Variants in MAGI2 observed in about 807,000 individuals in gnomAD.
MAGI2 encodes the protein membrane associated guanylate kinase, WW and PDZ domain containing 2.
Under a neutral mutation model 133.3 loss-of-function variants are expected in MAGI2, and 35 were observed. That is an observed-to-expected ratio of 0.26 (90% CI 0.20 to 0.35). The LOEUF is 0.35. Among genes scored for constraint, MAGI2 ranks in the 10% least tolerant of loss-of-function variants. MAGI2 has a pLI of 1.00. For missense variants in MAGI2, 1,636 were observed against 1,863.4 expected (o/e 0.88, Z 2.25); for synonymous variants, 729 against 710.6 (o/e 1.03, Z -0.41).
chr7:78,090,128 C>A (rs1817039884), intron 20 of MAGI2, among the ~76,000 whole-genome samples: 1 of 152,152 alleles, frequency 6.6e-6, no homozygotes. Context: ...TTCTTCAAGG[C>A]TCTGCTCAAA....
intron 1 of MAGI2, among the ~76,000 whole-genome samples, chr7:79,390,900 C>T (rs1844550024): frequency 6.6e-6 from 1 of 152,136 alleles, no homozygotes; most frequent in Admixed American, 6.5e-5. Context: ...TGACAGCCTC[C>T]CTCTTTTGAG....
At chr7:79,002,986 A>C (rs1216628390) in intron 2 of MAGI2, among the ~76,000 whole-genome samples, 1 of 151,098 alleles carries the variant, frequency 6.6e-6, no homozygotes, top group Non-Finnish European at 1.5e-5. Flanking sequence ...AAATACAGTC[A>C]GTCCTTGTTT....
intron 6 of MAGI2, among the ~76,000 whole-genome samples, chr7:78,380,409 A>C (rs1216636128): frequency 6.6e-6 from 1 of 152,130 alleles, no homozygotes; most frequent in Non-Finnish European, 1.5e-5. Context: ...AGTACTATTC[A>C]ACCATAATAA....
chr7:78,019,748 TC>T lies in MAGI2; in HGVS notation c.3934del (p.Glu1312SerfsTer162). The T allele has an allele frequency of 6.2e-7, 1 of 1,611,430 alleles. No homozygotes were observed. Among genetic ancestry groups the T allele is most frequent in the Non-Finnish European group, 8.5e-7 (1 of 1,179,450 alleles). On this transcript the variant is annotated frameshift_variant, in exon 22 of 22. Transcript: ENST00000354212. LOFTEE classifies it low-confidence loss of function (END_TRUNC). Reference sequence around the variant, plus strand: ...CGGACTCGCCGAGCGCTCCCTCTGCTCCCCGAGGCGCTGCTTCTTCTGGCCG... The same window carrying T: ...CGGACTCGCCGAGCGCTCCCTCTGCTCCCGAGGCGCTGCTTCTTCTGGCCG... ...ACGQKKQRLG[E>X]QRERSASPQR... is the part of the protein sequence containing the mutation.
intron 9 of MAGI2, among the ~76,000 whole-genome samples, chr7:78,283,161 T>C (rs1438697921): frequency 6.6e-6 from 1 of 152,144 alleles, no homozygotes; most frequent in African/African-American, 2.4e-5. Context: ...ATTTTCCTAG[T>C]ACAATGTGTT....
At chr7:79,111,333 C>A (rs1323687188) in intron 1 of MAGI2, among the ~76,000 whole-genome samples, 1 of 152,126 alleles carries the variant, frequency 6.6e-6, no homozygotes, top group Non-Finnish European at 1.5e-5. Context: ...TCTTGACAAG[C>A]CTGATGATTT....
At chr7:79,018,182 CA>C (rs761282827) in intron 1 of MAGI2, among the ~76,000 whole-genome samples, 86 of 151,914 alleles carry the variant, frequency 5.7e-4, no homozygotes, top group Non-Finnish European at 1.2e-3. Flanking sequence ...AGGGGAACCC[CA>C]TCAGACTAAC....
At chr7:78,689,762 A>C (rs1423730003) in intron 2 of MAGI2, among the ~76,000 whole-genome samples, 1 of 118,898 alleles carries the variant, frequency 8.4e-6, no homozygotes, top group Non-Finnish European at 1.6e-5. Context: ...TCAGTAATTC[A>C]TTCCCTTTTA....
intron 1 of MAGI2, among the ~76,000 whole-genome samples, chr7:79,087,729 C>T (rs1379012242): frequency 2.0e-5 from 3 of 151,984 alleles, no homozygotes; most frequent in Non-Finnish European, 4.4e-5. Context: ...GCCAGTTTTC[C>T]CAACACCATT....
chr7:78,534,603 G>T (rs1484138604), intron 3 of MAGI2, among the ~76,000 whole-genome samples: 1 of 152,188 alleles, frequency 6.6e-6, no homozygotes, highest in African/African-American at 2.4e-5. Flanking sequence ...CTACTGAAAA[G>T]ACCTCTAACA....
intron 20 of MAGI2, among the ~76,000 whole-genome samples, chr7:78,117,360 A>G (rs1819972386): frequency 6.6e-6 from 1 of 152,102 alleles, no homozygotes; most frequent in Non-Finnish European, 1.5e-5. Context: ...CCAGGAACTC[A>G]AGAGTAATTG....
intron 14 of MAGI2, among the ~76,000 whole-genome samples, chr7:78,176,492 G>C (rs1265074589): frequency 6.6e-6 from 1 of 152,114 alleles, no homozygotes; most frequent in Non-Finnish European, 1.5e-5. Flanking sequence ...TCCTCCCGCA[G>C]GGCAGAGGAA....
chr7:79,297,858 G>C (rs1358471), intron 1 of MAGI2, among the ~76,000 whole-genome samples: 145,086 of 152,280 alleles, frequency 0.95, 69,233 homozygotes, highest in Non-Finnish European at 0.98. Context: ...GCACAGCTTT[G>C]ACTTAACTTT....
chr7:79,273,578 G>T (rs188792010), intron 1 of MAGI2, among the ~76,000 whole-genome samples: 1 of 152,004 alleles, frequency 6.6e-6, no homozygotes, highest in Admixed American at 6.6e-5. Flanking sequence ...TGGCCATTTT[G>T]TCGTCAGAAT....
At chr7:79,131,915 TA>T (rs1820972911) in intron 1 of MAGI2, among the ~76,000 whole-genome samples, 1 of 152,142 alleles carries the variant, frequency 6.6e-6, no homozygotes, top group Admixed American at 6.6e-5. Context: ...AGTGCTCTCT[TA>T]AATTATATTT....
chr7:78,607,467 A>G (rs767841268), intron 3 of MAGI2, among the ~76,000 whole-genome samples: 1 of 149,688 alleles, frequency 6.7e-6, no homozygotes, highest in African/African-American at 2.5e-5. Flanking sequence ...ACAGAACCAC[A>G]TGTTCCATCT....
intron 2 of MAGI2, among the ~76,000 whole-genome samples, chr7:78,892,827 T>C (rs943303528): frequency 8.5e-5 from 13 of 152,066 alleles, no homozygotes; most frequent in African/African-American, 3.1e-4. Flanking sequence ...GGGCAAGGAC[T>C]TCATGTCTAA....
chr7:78,929,840 T>G (rs1584424020), intron 2 of MAGI2, among the ~76,000 whole-genome samples: 1 of 152,190 alleles, frequency 6.6e-6, no homozygotes, highest in Non-Finnish European at 1.5e-5. Flanking sequence ...GAGGGGCTAT[T>G]ATTGAGCTTA....
chr7:78,832,171 A>AT (rs1791227506), intron 2 of MAGI2, among the ~76,000 whole-genome samples: 1 of 151,748 alleles, frequency 6.6e-6, no homozygotes, highest in South Asian at 2.1e-4. Flanking sequence ...GAAAAAAAAA[A>AT]GCCAATTATT....
Sources: gnomAD v4.1 joint callset for allele counts (sites outside exome capture counted in the v4.1 genomes callset) on GRCh38, gnomAD v4.1.1 for gene constraint, MANE v1.5 for transcripts, NCBI Gene and HGNC (gene_info 2026-07-23, HGNC 2026-07-21) for gene names.